Variants in TMTC2 observed in about 807,000 individuals in gnomAD.
TMTC2 encodes the protein transmembrane O-mannosyltransferase targeting cadherins 2.
Under a neutral mutation model 82.4 loss-of-function variants are expected in TMTC2, and 43 were observed. That is an observed-to-expected ratio of 0.52 (90% confidence interval 0.41 to 0.67). TMTC2 has a LOEUF of 0.67. Ranked by LOEUF, TMTC2 falls within the 30% of genes least tolerant of loss-of-function variation. The pLI, the probability that TMTC2 is intolerant of heterozygous loss-of-function variation, is 0.00. For missense variants in TMTC2, 919 were observed against 1,012.4 expected, an observed-to-expected ratio of 0.91 and a Z score of 1.25; for synonymous variants, 408 against 381.9, an observed-to-expected ratio of 1.07 and a Z score of -0.80.
intron 8 of TMTC2, among the ~76,000 whole-genome samples, chr12:83,006,025 C>A (rs994600904): frequency 1.3e-5 from 2 of 152,198 alleles, no homozygotes; most frequent in African/African-American, 4.8e-5. Flanking sequence ...TGGTCTCTGT[C>A]TACTCTCTGG....
At chr12:82,962,820 A>T (rs1878001622) in intron 4 of TMTC2, among the ~76,000 whole-genome samples, 1 of 152,000 alleles carries the variant, frequency 6.6e-6, no homozygotes, top group Non-Finnish European at 1.5e-5. Context: ...GACTGTATTT[A>T]TTCCTAGAGA....
At chr12:82,735,392 C>T (rs1417544855) in intron 1 of TMTC2, among the ~76,000 whole-genome samples, 4 of 150,286 alleles carry the variant, frequency 2.7e-5, no homozygotes, top group Non-Finnish European at 4.4e-5. Flanking sequence ...GTCGCCCAGG[C>T]TGGAGTGCAG....
At chr12:83,078,882 A>G (rs1883373877) in intron 11 of TMTC2, among the ~76,000 whole-genome samples, 1 of 152,160 alleles carries the variant, frequency 6.6e-6, no homozygotes, top group Non-Finnish European at 1.5e-5. Context: ...TGGTGACATT[A>G]GAGACCTTGT....
intron 11 of TMTC2, among the ~76,000 whole-genome samples, chr12:83,068,199 G>A (rs1882987431): frequency 6.6e-6 from 1 of 152,008 alleles, no homozygotes; most frequent in Non-Finnish European, 1.5e-5. Flanking sequence ...ATGGTAGTAG[G>A]GGAATGACTG....
chr12:82,734,298 T>G (rs1267266630), intron 1 of TMTC2, among the ~76,000 whole-genome samples: 1 of 152,210 alleles, frequency 6.6e-6, no homozygotes, highest in African/African-American at 2.4e-5. Context: ...GCTTCTTCTC[T>G]GGAGACCCTG....
intron 11 of TMTC2, among the ~76,000 whole-genome samples, chr12:83,066,714 G>T (rs888766268): frequency 1.3e-5 from 2 of 151,840 alleles, no homozygotes; most frequent in Non-Finnish European, 2.9e-5. Context: ...TTAAGCAATA[G>T]ATTATTTCAA....
At chr12:82,836,692 G>A (rs934116854) in intron 1 of TMTC2, among the ~76,000 whole-genome samples, 2 of 152,096 alleles carry the variant, frequency 1.3e-5, no homozygotes, top group African/African-American at 4.8e-5. Context: ...CTAAGTGGAT[G>A]GTAATTCATT....
intron 1 of TMTC2, among the ~76,000 whole-genome samples, chr12:82,787,721 C>T (rs958628890): frequency 2.6e-5 from 4 of 152,028 alleles, no homozygotes; most frequent in African/African-American, 9.7e-5. Flanking sequence ...CCAGCCTGGC[C>T]AGCATGGCAA....
intron 3 of TMTC2, among the ~76,000 whole-genome samples, chr12:82,921,946 T>TA (rs918557446): frequency 1.2e-3 from 168 of 135,448 alleles, no homozygotes; most frequent in Middle Eastern, 7.3e-3. Context: ...AAATTAAAAT[T>TA]AAAAAAAAAA....
At chr12:83,048,381 T>G (rs1882220379) in intron 9 of TMTC2, among the ~76,000 whole-genome samples, 1 of 152,210 alleles carries the variant, frequency 6.6e-6, no homozygotes, top group African/African-American at 2.4e-5. Flanking sequence ...GTTTTTTATT[T>G]ATAAATGTAA....
chr12:83,087,312 T>A (rs1161253941), intron 11 of TMTC2, among the ~76,000 whole-genome samples: 3 of 152,212 alleles, frequency 2.0e-5, no homozygotes, highest in African/African-American at 7.2e-5. Context: ...TTTCTGCAGT[T>A]CCTCCTCCAC....
At chr12:83,055,060 G>A (rs930557695) in intron 10 of TMTC2, among the ~76,000 whole-genome samples, 2 of 151,986 alleles carry the variant, frequency 1.3e-5, no homozygotes, top group African/African-American at 4.8e-5. Flanking sequence ...GGGCTCAGCA[G>A]CTTTTACAGT....
At chr12:82,876,056 G>GGTA (rs1872506285) in intron 2 of TMTC2, among the ~76,000 whole-genome samples, 2 of 136,978 alleles carry the variant, frequency 1.5e-5, no homozygotes, top group Non-Finnish European at 3.1e-5. Flanking sequence ...TGGTGGTGGT[G>GGTA]GTGGTGGTGG....
intron 1 of TMTC2, among the ~76,000 whole-genome samples, chr12:82,710,762 C>G (rs1019051696): frequency 7.9e-5 from 12 of 152,130 alleles, no homozygotes; most frequent in Non-Finnish European, 1.6e-4. Flanking sequence ...TGGCAGTATT[C>G]TGGAAGCAAG....
intron 8 of TMTC2, among the ~76,000 whole-genome samples, chr12:83,000,586 G>A (rs1879876003): frequency 6.6e-6 from 1 of 152,178 alleles, no homozygotes; most frequent in Admixed American, 6.5e-5. Flanking sequence ...TGCTTTCATG[G>A]GCTGGTGTTG....
At chr12:83,022,205 A>G (rs190356218) in intron 8 of TMTC2, among the ~76,000 whole-genome samples, 1 of 152,014 alleles carries the variant, frequency 6.6e-6, no homozygotes, top group African/African-American at 2.4e-5. Flanking sequence ...CTGACTCACA[A>G]TTTTTTATGG....
At chr12:82,740,413 C>T (rs1875338575) in intron 1 of TMTC2, among the ~76,000 whole-genome samples, 1 of 152,170 alleles carries the variant, frequency 6.6e-6, no homozygotes, top group East Asian at 1.9e-4. Flanking sequence ...CTTATTTCCT[C>T]CTGGTCATTT....
chr12:82,711,209 A>G (rs1873602900), intron 1 of TMTC2, among the ~76,000 whole-genome samples: 1 of 152,218 alleles, frequency 6.6e-6, no homozygotes, highest in Admixed American at 6.5e-5. Context: ...CAGTAGTTGG[A>G]AGCGTAGTAA....
At chr12:82,693,732 G>A (rs1160517041) in intron 1 of TMTC2, among the ~76,000 whole-genome samples, 1 of 152,110 alleles carries the variant, frequency 6.6e-6, no homozygotes, top group South Asian at 2.1e-4. Flanking sequence ...CACTTTGGGA[G>A]GCCGAGGCGG....
Sources: gnomAD v4.1 joint callset for allele counts (sites outside exome capture counted in the v4.1 genomes callset) on GRCh38, gnomAD v4.1.1 for gene constraint, MANE v1.5 for transcripts, NCBI Gene and HGNC (gene_info 2026-07-23, HGNC 2026-07-21) for gene names.